Variants in ZNF395 observed in about 807,000 individuals in gnomAD.
The protein encoded by ZNF395 is zinc finger protein 395, also known as HD gene regulatory region-binding protein 2.
A neutral mutation model predicts 57.7 loss-of-function variants in ZNF395; 20 were observed. That is an observed-to-expected ratio of 0.35 (90% CI 0.24 to 0.50). The LOEUF is 0.50. Among genes scored for constraint, ZNF395 ranks in the 20% least tolerant of loss-of-function variants. The probability of loss-of-function intolerance (pLI) is 0.97; values close to 1 mark genes in which losing one functional copy is unlikely to be tolerated. For missense variants in ZNF395, 606 were observed against 671.2 expected, an observed-to-expected ratio of 0.90 and a Z score of 1.07; for synonymous variants, 295 against 275.9, an observed-to-expected ratio of 1.07 and a Z score of -0.69.
chr8:28,357,006 G>A (rs182292197), intron 3 of ZNF395, among the ~76,000 whole-genome samples: 64 of 152,280 alleles, frequency 4.2e-4, no homozygotes, highest in Non-Finnish European at 7.1e-4. Flanking sequence ...CATTCTGAGT[G>A]ATGCTTCTAA....
At chr8:28,384,909 A>G (rs116437506) in intron 1 of ZNF395, among the ~76,000 whole-genome samples, 3,212 of 152,284 alleles carry the variant, frequency 0.021, 94 homozygotes, top group African/African-American at 0.064. Flanking sequence ...CCCACCTCCC[A>G]GAGGGCCTGG....
chr8:28,351,345 A>G, intron 7 of ZNF395, 150 bp downstream of exon 7: 1 of 779,314 alleles, frequency 1.3e-6, no homozygotes. Context: ...TTGAGCAGTG[A>G]ATTCGGTTTC....
In ZNF395 at chr8:28,356,532, G is replaced by C; in HGVS notation, c.583+138C>G. 1 of 616,346 alleles carries C rather than the reference G, an allele frequency of 1.6e-6. No individual in the cohort carries two copies. The highest frequency in any genetic ancestry group is 2.0e-5 in the South Asian group (1 of 48,872). The allele number at this position is 616,346 out of a possible 1,614,324, so 38.2% of individuals were successfully genotyped here. The stretch of plus-strand genomic sequence containing the variant: ...CATCTAACTCCATGGCATGCAGCCG[G>C]TCAGAGGTGCCAGTGGGAGGTGTCC... On this transcript the variant is annotated intron_variant, in intron 4 of 9. Transcript: ENST00000344423. This position sits in a 1 kb window ranked among gnomAD's most constrained non-coding sequence, Gnocchi z 4.0.
intron 1 of ZNF395, among the ~76,000 whole-genome samples, chr8:28,370,261 A>C (rs1290117308): frequency 6.6e-6 from 1 of 152,208 alleles, no homozygotes; most frequent in Non-Finnish European, 1.5e-5. Context: ...GTTTCACCCC[A>C]AAAACAGAAA....
Position 28,352,407 on chromosome 8 carries a change from A to G in ZNF395, c.920+166T>C, listed in dbSNP as rs1801727236. On this transcript the variant is annotated intron_variant, in intron 6 of 9. Coordinates refer to ENST00000344423, the MANE Select transcript of ZNF395 (RefSeq NM_018660.3). The surrounding 1 kb of genome is among the most constrained non-coding windows in gnomAD (Gnocchi z 4.0). ...AGCTCCCTTCCCATCAACAGCAACAATGTTCACCAGGATGTCTTTCTCAGG... is the reference window on the plus strand; with the variant it reads ...AGCTCCCTTCCCATCAACAGCAACAGTGTTCACCAGGATGTCTTTCTCAGG... Among the ~76,000 whole-genome samples, 1 of 152,134 alleles carries G rather than the reference A, an allele frequency of 6.6e-6. No homozygotes were observed. The highest frequency in any genetic ancestry group is 2.4e-5 in the African/African-American group (1 of 41,434).
At position 28,382,695 on chromosome 8, in the gene ZNF395, G is replaced by A. The variant is rs372731648; in HGVS notation, c.-59+3698C>T. Among the ~76,000 whole-genome samples the A allele has an allele frequency of 1.8e-4, 28 of 152,286 alleles. No individual in the cohort carries two copies. The South Asian group carries it at 4.4e-3, about 24-fold the overall frequency. ...TGTCTCTCATCTTTCCAAAGAGACT[G>A]TAAGTCTTCCACCCTTCCTCATGCT... is the stretch of plus-strand genomic sequence containing the variant. On this transcript the variant is annotated intron_variant, in intron 1 of 9. Coordinates refer to ENST00000344423, the MANE Select transcript of ZNF395 (RefSeq NM_018660.3).
Position 28,356,546 on chromosome 8 carries a change from T to C in ZNF395, c.583+124A>G, listed in dbSNP as rs897814943. ...GCATGCAGCCGGTCAGAGGTGCCAG[T>C]GGGAGGTGTCCCTGGACATTCTATT... On this transcript the variant is annotated intron_variant, in intron 4 of 9. Coordinates refer to ENST00000344423, the MANE Select transcript of ZNF395 (RefSeq NM_018660.3). This position sits in a 1 kb window ranked among gnomAD's most constrained non-coding sequence, Gnocchi z 4.0. 5.7e-5 allele frequency: 37 copies of C among 647,054 alleles called. No individual in the cohort carries two copies. Among genetic ancestry groups the C allele is most frequent in the Non-Finnish European group, 9.1e-5 (34 of 373,790 alleles). The allele number at this position is 647,054 out of a possible 1,614,324, so 40.1% of individuals were successfully genotyped here.
intron 1 of ZNF395, among the ~76,000 whole-genome samples, chr8:28,373,469 A>G (rs1350409682): frequency 1.3e-5 from 2 of 152,000 alleles, no homozygotes; most frequent in African/African-American, 2.4e-5. Flanking sequence ...TTTAAAGAAC[A>G]TCATGCTTCC....
At position 28,352,174 on chromosome 8, in the gene ZNF395, C is replaced by G. The variant is rs777023078; in HGVS notation, c.921-367G>C. On this transcript the variant is annotated intron_variant, in intron 6 of 9. Transcript: ENST00000344423. This position sits in a 1 kb window ranked among gnomAD's most constrained non-coding sequence, Gnocchi z 4.0. ...TCCTACCACTAGCAGCCTGCAAACTCGCTCTGCACAGAACACGGCGGAGGC... is the reference window on the plus strand; with the variant it reads ...TCCTACCACTAGCAGCCTGCAAACTGGCTCTGCACAGAACACGGCGGAGGC... Among the ~76,000 whole-genome samples the G allele has an allele frequency of 4.6e-5, 7 of 152,216 alleles. No homozygotes were observed. Among genetic ancestry groups the G allele is most frequent in the Non-Finnish European group, 1.0e-4 (7 of 68,026 alleles).
chr8:28,359,606 G>C lies in ZNF395; in HGVS notation c.459C>G (p.Ile153Met). ...CCCACACAAACCTCTTTGGGACATC[G>C]ATGTTCCTGGAGACGGGCCTGTAGG... is the stretch of plus-strand genomic sequence containing the variant. ...ALAYRPVSRNIDVPKRKSDAV... is the reference protein window; with the variant it reads ...ALAYRPVSRNMDVPKRKSDAV... Residue 153 changes from isoleucine to methionine, a missense_variant, in exon 3 of 10, where the codon ATC (isoleucine) becomes ATG (methionine). Transcript: ENST00000344423. This position sits in a 1 kb window ranked among gnomAD's most constrained non-coding sequence, Gnocchi z 4.7. 6.2e-7 allele frequency: 1 copy of C among 1,600,618 alleles called. No homozygotes were observed. Among genetic ancestry groups the C allele is most frequent in the Non-Finnish European group, 8.5e-7 (1 of 1,171,674 alleles).
At chr8:28,357,526 G>A (rs1357144611) in intron 3 of ZNF395, among the ~76,000 whole-genome samples, 1 of 152,204 alleles carries the variant, frequency 6.6e-6, no homozygotes, top group Non-Finnish European at 1.5e-5. Flanking sequence ...GTAAAAGTTA[G>A]TCTGAAATAA....
At chr8:28,364,158 A>G (rs1376448133) in intron 1 of ZNF395, among the ~76,000 whole-genome samples, 1 of 152,194 alleles carries the variant, frequency 6.6e-6, no homozygotes, top group South Asian at 2.1e-4. Flanking sequence ...TGAGGTGACA[A>G]CCTCAGAGAG....
chr8:28,364,267 G>C (rs1277547109), intron 1 of ZNF395, among the ~76,000 whole-genome samples: 1 of 152,116 alleles, frequency 6.6e-6, no homozygotes, highest in Non-Finnish European at 1.5e-5. Flanking sequence ...GATTCTAGTA[G>C]GTGTGGGATC....
At chr8:28,355,477 T>C (rs1801768044) in intron 4 of ZNF395, among the ~76,000 whole-genome samples, 2 of 151,962 alleles carry the variant, frequency 1.3e-5, no homozygotes, top group African/African-American at 4.8e-5. Context: ...GGACTTAAAA[T>C]TGTCAGGATG....
At position 28,359,396 on chromosome 8, in the gene ZNF395, C is replaced by T. The variant is rs570330509; in HGVS notation, c.473+196G>A. On this transcript the variant is annotated intron_variant, in intron 3 of 9. Transcript: ENST00000344423. The surrounding 1 kb of genome is among the most constrained non-coding windows in gnomAD (Gnocchi z 4.7). ...CAGCCTAGGTGAGAGAGTGAGACTCCGTCTCAAAAAAAGAAAGAAAAGATG... is the reference window on the plus strand; with the variant it reads ...CAGCCTAGGTGAGAGAGTGAGACTCTGTCTCAAAAAAAGAAAGAAAAGATG... Among the ~76,000 whole-genome samples, 4 of 152,162 alleles carry T rather than the reference C, an allele frequency of 2.6e-5. No individual in the cohort carries two copies. Among genetic ancestry groups the T allele is most frequent in the South Asian group, 2.1e-4 (1 of 4,820 alleles).
rs1449838683 is a variant in ZNF395 at position 28,346,169 on chromosome 8, AAC to A, written c.*2548_*2549del. 2 of 152,164 alleles carry A rather than the reference AAC, an allele frequency of 1.3e-5. No individual in the cohort carries two copies. Among genetic ancestry groups the A allele is most frequent in the Non-Finnish European group, 2.9e-5 (2 of 68,010 alleles). The allele number at this position is 152,164 out of a possible 1,614,324, so 9.4% of individuals were successfully genotyped here. A position where few individuals can be genotyped will look rare whatever the true frequency, so the allele number is the denominator to read the frequency against. On this transcript the variant is annotated 3_prime_UTR_variant, in exon 10 of 10. Transcript: ENST00000344423. ...TGAAAAAAGTCACATCGCTGGAATA[AAC>A]AGTTTCCCAAGATAACTGCTTTGAA...
At chr8:28,364,214 T>C (rs1179305000) in intron 1 of ZNF395, among the ~76,000 whole-genome samples, 1 of 152,226 alleles carries the variant, frequency 6.6e-6, no homozygotes, top group Non-Finnish European at 1.5e-5. Context: ...GCCTTGAGTA[T>C]GAACTCACGT....
Position 28,356,460 on chromosome 8 carries a change from C to T in ZNF395, c.583+210G>A, listed in dbSNP as rs1386778581. 1.3e-5 allele frequency among the ~76,000 whole-genome samples: 2 copies of T among 152,226 alleles called. No individual in the cohort carries two copies. Among genetic ancestry groups the T allele is most frequent in the Non-Finnish European group, 2.9e-5 (2 of 68,038 alleles). ...ATGCTCAACCATCTTCACAATGTAC[C>T]AGGAAACTCCTCCCCAGGTGAGGAA... On this transcript the variant is annotated intron_variant, in intron 4 of 9. Transcript: ENST00000344423. This position sits in a 1 kb window ranked among gnomAD's most constrained non-coding sequence, Gnocchi z 4.0.
intron 3 of ZNF395, among the ~76,000 whole-genome samples, chr8:28,357,016 A>C (rs148804662): frequency 9.0e-4 from 137 of 152,282 alleles, no homozygotes; most frequent in African/African-American, 2.7e-3. Flanking sequence ...GATGCTTCTA[A>C]TATTAGGCAG....
Sources: gnomAD v4.1 joint callset for allele counts (sites outside exome capture counted in the v4.1 genomes callset) on GRCh38, gnomAD v4.1.1 for gene constraint, Gnocchi (gnomAD v3.1) non-coding constraint, MANE v1.5 for transcripts, NCBI Gene and HGNC (gene_info 2026-07-23, HGNC 2026-07-21) for gene names.